Variants in CPNE4 observed in about 807,000 individuals in gnomAD.
The protein encoded by CPNE4 is copine 4.
A neutral mutation model predicts 67.9 loss-of-function variants in CPNE4; 25 were observed. That is an observed-to-expected ratio of 0.37 (90% CI 0.27 to 0.51). The LOEUF is 0.51. CPNE4 is among the 20% of genes least tolerant of loss of function. The probability of loss-of-function intolerance (pLI) is 0.93; values close to 1 mark genes in which losing one functional copy is unlikely to be tolerated. For missense variants in CPNE4, 464 were observed against 690.8 expected (o/e 0.67, Z 3.68); for synonymous variants, 242 against 244.9 (o/e 0.99, Z 0.11).
chr3:131,859,375 T>C (rs1004853524), intron 2 of CPNE4, among the ~76,000 whole-genome samples: 1 of 152,190 alleles, frequency 6.6e-6, no homozygotes, highest in African/African-American at 2.4e-5. Flanking sequence ...CTCTTCTCTA[T>C]TCAATACTCA....
intron 15 of CPNE4, chr3:131,537,652 A>G: frequency 3.7e-6 from 1 of 268,138 alleles, no homozygotes; most frequent in Non-Finnish European, 7.4e-6. Context: ...TCCAGGACTT[A>G]GTTTGGGACT....
chr3:131,806,108 G>C lies in CPNE4; in HGVS notation c.181-82483C>G, dbSNP rs373427070. On this transcript the variant is annotated intron_variant, in intron 2 of 15. Transcript: ENST00000429747. Reference sequence around the variant, plus strand: ...TTCAGGCAGGTCTTAAATATAACTGGATGCTTGAAACTTTATCTGAGTCTT... The same window carrying C: ...TTCAGGCAGGTCTTAAATATAACTGCATGCTTGAAACTTTATCTGAGTCTT... 6.6e-5 allele frequency among the ~76,000 whole-genome samples: 10 copies of C among 152,300 alleles called. No individual in the cohort carries two copies. The South Asian group carries it at 1.0e-3, about 16-fold the overall frequency.
At chr3:131,699,029 G>A (rs1219692928) in intron 4 of CPNE4, among the ~76,000 whole-genome samples, 1 of 151,548 alleles carries the variant, frequency 6.6e-6, no homozygotes, top group Non-Finnish European at 1.5e-5. Context: ...TTTCCTTGTA[G>A]TTTTTTCTAC....
chr3:131,580,437 TATA>T (rs1937741919), intron 9 of CPNE4, among the ~76,000 whole-genome samples: 1 of 81,936 alleles, frequency 1.2e-5, no homozygotes. Context: ...TACATATACA[TATA>T]CATATACATA....
intron 8 of CPNE4, among the ~76,000 whole-genome samples, chr3:131,582,629 G>C (rs1022495333): frequency 1.3e-5 from 2 of 152,162 alleles, no homozygotes; most frequent in East Asian, 3.8e-4. Flanking sequence ...ACAATGATGA[G>C]GCATTTAGTC....
intron 2 of CPNE4, among the ~76,000 whole-genome samples, chr3:131,739,839 T>C (rs1453391437): frequency 6.6e-6 from 1 of 152,220 alleles, no homozygotes; most frequent in African/African-American, 2.4e-5. Flanking sequence ...CTCCTGGCAA[T>C]GCTGAACACA....
At chr3:131,873,022 T>C (rs2087285459) in intron 2 of CPNE4, among the ~76,000 whole-genome samples, 1 of 152,236 alleles carries the variant, frequency 6.6e-6, no homozygotes, top group African/African-American at 2.4e-5. Flanking sequence ...AGGTTTGAGG[T>C]AAAGTTTTGC....
intron 11 of CPNE4, among the ~76,000 whole-genome samples, chr3:131,562,971 A>C (rs1936858714): frequency 6.6e-6 from 1 of 152,066 alleles, no homozygotes; most frequent in South Asian, 2.1e-4. Context: ...GGACCTGCTC[A>C]TTCATTCCCC....
intron 1 of CPNE4, among the ~76,000 whole-genome samples, chr3:131,932,813 T>A (rs1057230014): frequency 6.6e-6 from 1 of 151,598 alleles, no homozygotes; most frequent in Non-Finnish European, 1.5e-5. Context: ...AGGTCAGGAG[T>A]TCGAAACCAG....
intron 1 of CPNE4, among the ~76,000 whole-genome samples, chr3:131,959,673 C>T (rs1170931239): frequency 6.6e-5 from 10 of 152,076 alleles, no homozygotes; most frequent in South Asian, 6.2e-4. Flanking sequence ...TGTAATTGCC[C>T]GTAACACTGA....
intron 1 of CPNE4, among the ~76,000 whole-genome samples, chr3:131,986,852 ACAAAAACAAACAAAC>A (rs2073059231): frequency 8.9e-6 from 1 of 112,708 alleles, no homozygotes. Flanking sequence ...ACAAAAAAAA[ACAAAAACAAACAAAC>A]AAAAAAAAAA....
rs143860447 is a variant in CPNE4 at position 131,898,008 on chromosome 3, C to A, written c.180+7256G>T. 1.7e-4 allele frequency among the ~76,000 whole-genome samples: 26 copies of A among 151,882 alleles called. No individual in the cohort carries two copies. In the East Asian group the frequency reaches 3.5e-3, roughly 20 times the overall value. On this transcript the variant is annotated intron_variant, in intron 2 of 15. Coordinates refer to ENST00000429747, the MANE Select transcript of CPNE4 (RefSeq NM_130808.3). ...ATATATAAAGTGCTTAGGAGAGTAC[C>A]TGATACATTGTTTAAGTACTCTCAA...
chr3:131,983,164 G>T (rs1364953538), intron 1 of CPNE4, among the ~76,000 whole-genome samples: 1 of 151,996 alleles, frequency 6.6e-6, no homozygotes, highest in African/African-American at 2.4e-5. Flanking sequence ...AAGTTCTCAG[G>T]TACTTAAGTT....
Position 131,929,196 on chromosome 3 carries a change from CAAAAAAAA to C in CPNE4, c.-1-23760_-1-23753del, listed in dbSNP as rs57462900. ...TCATCAGTCCCCAACTTGTCCTCAC[CAAAAAAAA>C]AAAAAAAAAAAAAAGATTTTCAGAT... On this transcript the variant is annotated intron_variant, in intron 1 of 15. Transcript: ENST00000429747. Among the ~76,000 whole-genome samples, 236 of 98,848 alleles carry C rather than the reference CAAAAAAAA, an allele frequency of 2.4e-3. 5 individuals are homozygous for C. The highest frequency in any genetic ancestry group is 5.3e-4 in the Non-Finnish European group (26 of 49,520). The allele number at this position is 98,848 out of a possible 152,430, so 64.8% of individuals were successfully genotyped here.
intron 2 of CPNE4, among the ~76,000 whole-genome samples, chr3:131,763,677 T>A (rs2082944525): frequency 6.6e-6 from 1 of 152,136 alleles, no homozygotes; most frequent in Non-Finnish European, 1.5e-5. Context: ...AATTGGTTGC[T>A]AACATCAAGG....
Position 131,842,730 on chromosome 3 carries a change from T to TAAAA in CPNE4, c.180+62530_180+62533dup, listed in dbSNP as rs3041527. Among the ~76,000 whole-genome samples the TAAAA allele has an allele frequency of 2.1e-4, 26 of 121,850 alleles. 1 individual carries two copies. The highest frequency in any genetic ancestry group is 7.3e-4 in the Admixed American group (9 of 12,264). 79.9% of individuals were successfully genotyped at this position (121,850 alleles called of 152,430 possible). On this transcript the variant is annotated intron_variant, in intron 2 of 15. Transcript: ENST00000429747. Reference sequence around the variant, plus strand: ...CTCAGAAGCAAGTTATATTCTGTTGTAAAAAAAAAAAAAAAAAAAGAAAAA... The same window carrying TAAAA: ...CTCAGAAGCAAGTTATATTCTGTTGTAAAAAAAAAAAAAAAAAAAAAAAGAAAAA...
intron 1 of CPNE4, among the ~76,000 whole-genome samples, chr3:131,942,463 T>TGTGTGTGTGTGA (rs2071424814): frequency 2.8e-5 from 2 of 70,770 alleles, no homozygotes; most frequent in African/African-American, 1.0e-4. Flanking sequence ...TGTGTGTGTG[T>TGTGTGTGTGTGA]GAGAGAGAGA....
intron 2 of CPNE4, among the ~76,000 whole-genome samples, chr3:131,767,258 A>AGTGT (rs1314209002): frequency 1.8e-5 from 1 of 55,696 alleles, no homozygotes; most frequent in East Asian, 5.3e-4. Context: ...GCTAAGTGTG[A>AGTGT]GCGTGTGTGT....
At chr3:131,961,535 T>C (rs552455804) in intron 1 of CPNE4, among the ~76,000 whole-genome samples, 1 of 152,306 alleles carries the variant, frequency 6.6e-6, no homozygotes, top group South Asian at 2.1e-4. Flanking sequence ...GTGACCCGAA[T>C]GGTCAGTCAG....
Sources: allele counts gnomAD v4.1 joint callset (sites outside exome capture counted in the v4.1 genomes callset), GRCh38; gene constraint gnomAD v4.1.1; transcripts MANE v1.5; gene names NCBI Gene and HGNC (gene_info 2026-07-23, HGNC 2026-07-21).